The following RALA variants were observed in gnomAD, a reference collection of about 807,000 sequenced individuals.
The protein encoded by RALA is ras-related protein Ral-A.
A neutral mutation model predicts 24.0 loss-of-function variants in RALA; 5 were observed. The observed-to-expected ratio is 0.21, with a 90% confidence interval of 0.11 to 0.44. RALA has a LOEUF of 0.44. Ranked by LOEUF, RALA falls within the 20% of genes least tolerant of loss-of-function variation. The pLI is 0.99. For missense variants in RALA, 95 were observed against 241.2 expected, an observed-to-expected ratio of 0.39 and a Z score of 4.01; for synonymous variants, 77 against 83.8, an observed-to-expected ratio of 0.92 and a Z score of 0.44.
intron 1 of RALA, among the ~76,000 whole-genome samples, chr7:39,647,875 GA>G (rs1055150948): frequency 3.3e-5 from 5 of 152,238 alleles, no homozygotes; most frequent in Admixed American, 1.3e-4. Flanking sequence ...GTTGTTTAAA[GA>G]AAGAATGAAA....
rs746173249 is a variant in RALA at position 39,690,560 on chromosome 7, T to G, written c.293T>G (p.Met98Arg). The G allele has an allele frequency of 6.2e-7, 1 of 1,613,142 alleles. No individual in the cohort carries two copies. Among genetic ancestry groups the G allele is most frequent in the Non-Finnish European group, 8.5e-7 (1 of 1,179,532 alleles). The change falls in exon 3 of 5, where the codon ATG becomes AGG. Residue 98 changes from methionine (M) to arginine (R), a missense_variant. Transcript: ENST00000005257. ...CTCTGTGTTTTCTCTATTACAGAAA[T>G]GGAATCCTTTGCAGCTACAGCTGAC... ...GFLCVFSITE[M>R]ESFAATADFR...
At chr7:39,672,036 ATAG>A (rs1220827178) in intron 1 of RALA, among the ~76,000 whole-genome samples, 2 of 152,186 alleles carry the variant, frequency 1.3e-5, no homozygotes, top group Middle Eastern at 3.2e-3. Flanking sequence ...TATTCAAAAC[ATAG>A]TAGTTAATTT....
chr7:39,633,149 A>C (rs984227459), intron 1 of RALA, among the ~76,000 whole-genome samples: 1 of 152,172 alleles, frequency 6.6e-6, no homozygotes, highest in Non-Finnish European at 1.5e-5. Context: ...TTTGCAGATG[A>C]GCAAGGCTTG....
At chr7:39,656,438 A>G (rs984898697) in intron 1 of RALA, among the ~76,000 whole-genome samples, 15 of 152,208 alleles carry the variant, frequency 9.9e-5, no homozygotes, top group Non-Finnish European at 1.2e-4. Context: ...TTATGACTCT[A>G]TGAGGCTACT....
intron 4 of RALA, chr7:39,697,506 C>G (rs1408526267): frequency 4.4e-6 from 2 of 455,752 alleles, no homozygotes; most frequent in African/African-American, 2.0e-5. Context: ...GCTCACTGGG[C>G]TGAGGTAGCA....
intron 4 of RALA, chr7:39,697,280 G>A: frequency 2.3e-6 from 1 of 434,338 alleles, no homozygotes; most frequent in South Asian, 1.7e-5. Flanking sequence ...GAAGCCCCCA[G>A]ATAAGAGCGT....
intron 1 of RALA, among the ~76,000 whole-genome samples, chr7:39,680,392 CAAAA>C (rs1016335460): frequency 5.7e-5 from 6 of 105,464 alleles, no homozygotes; most frequent in African/African-American, 2.8e-4. Flanking sequence ...AAAACAAAAA[CAAAA>C]AAAACACAAA....
chr7:39,685,595 G>A (rs1339173155), intron 1 of RALA, among the ~76,000 whole-genome samples: 2 of 151,924 alleles, frequency 1.3e-5, no homozygotes, highest in African/African-American at 4.8e-5. Flanking sequence ...TACAACTTCT[G>A]TAAGAACCTG....
intron 1 of RALA, among the ~76,000 whole-genome samples, chr7:39,631,880 G>T (rs1225038602): frequency 6.6e-6 from 1 of 152,142 alleles, no homozygotes; most frequent in Non-Finnish European, 1.5e-5. Context: ...GATTTGTTTG[G>T]CTTACGGTTC....
chr7:39,627,412 G>T (rs569492894), intron 1 of RALA, among the ~76,000 whole-genome samples: 1 of 152,194 alleles, frequency 6.6e-6, no homozygotes, highest in Admixed American at 6.5e-5. Context: ...CACAGCTAGG[G>T]TCCTATATTA....
chr7:39,655,667 A>G (rs1399139829), intron 1 of RALA, among the ~76,000 whole-genome samples: 1 of 151,922 alleles, frequency 6.6e-6, no homozygotes, highest in African/African-American at 2.4e-5. Flanking sequence ...CATTTGGAAA[A>G]TAATTGATTG....
chr7:39,626,789 T>G (rs1049880690), intron 1 of RALA, among the ~76,000 whole-genome samples: 3 of 152,212 alleles, frequency 2.0e-5, no homozygotes, highest in African/African-American at 4.8e-5. Flanking sequence ...AAATCACATT[T>G]TTTTTAGTTC....
chr7:39,645,611 A>G (rs1791912616), intron 1 of RALA, among the ~76,000 whole-genome samples: 1 of 152,250 alleles, frequency 6.6e-6, no homozygotes, highest in Admixed American at 6.5e-5. Context: ...TGGTATAGTG[A>G]CATGAGCACA....
intron 1 of RALA, among the ~76,000 whole-genome samples, chr7:39,675,309 G>A (rs1792464782): frequency 6.6e-6 from 1 of 152,140 alleles, no homozygotes; most frequent in African/African-American, 2.4e-5. Flanking sequence ...GGTCACATGA[G>A]GTCAGGTGTA....
At chr7:39,651,492 A>G (rs980170123) in intron 1 of RALA, among the ~76,000 whole-genome samples, 4 of 152,210 alleles carry the variant, frequency 2.6e-5, no homozygotes, top group East Asian at 3.8e-4. Flanking sequence ...CAGTGTTTCT[A>G]CAATTGCTGA....
intron 1 of RALA, among the ~76,000 whole-genome samples, chr7:39,655,388 T>C (rs779275545): frequency 6.6e-5 from 10 of 152,192 alleles, no homozygotes; most frequent in Non-Finnish European, 1.0e-4. Context: ...AATCTATATT[T>C]ACAGAAAGCA....
intron 1 of RALA, among the ~76,000 whole-genome samples, chr7:39,646,406 G>C (rs770921987): frequency 1.3e-5 from 2 of 152,202 alleles, no homozygotes; most frequent in Non-Finnish European, 2.9e-5. Context: ...AGTCTAAGGT[G>C]GGAGGATTGC....
chr7:39,623,936 C>G lies in RALA; in HGVS notation c.-38+111C>G, dbSNP rs1246549059. The G allele has an allele frequency of 6.6e-5, 10 of 152,280 alleles. No homozygotes were observed. Among genetic ancestry groups the G allele is most frequent in the South Asian group, 2.1e-4 (1 of 4,826 alleles). The allele number at this position is 152,280 out of a possible 1,614,324, so 9.4% of individuals were successfully genotyped here. On this transcript the variant is annotated intron_variant, in intron 1 of 4. Transcript: ENST00000005257. The surrounding 1 kb of genome is among the most constrained non-coding windows in gnomAD (Gnocchi z 4.9). ...AGGCCCTGACGCGGGTTCGGGCTGC[C>G]GAGATTGCACATCCCACGTTCTGCC...
chr7:39,633,048 C>A (rs971341598), intron 1 of RALA, among the ~76,000 whole-genome samples: 6 of 152,140 alleles, frequency 3.9e-5, no homozygotes, highest in African/African-American at 1.4e-4. Context: ...ACAGGGTGAC[C>A]TCCTTTTCCC....
Sources: allele counts gnomAD v4.1 joint callset (sites outside exome capture counted in the v4.1 genomes callset), GRCh38; gene constraint gnomAD v4.1.1; non-coding constraint Gnocchi (gnomAD v3.1); transcripts MANE v1.5; gene names NCBI Gene and HGNC (gene_info 2026-07-23, HGNC 2026-07-21).